MTSS1: variants seen among roughly 807,000 people sequenced by gnomAD.
MTSS1 encodes protein MTSS 1.
A neutral mutation model predicts 79.0 loss-of-function variants in MTSS1; 18 were observed. The ratio of observed to expected loss-of-function variants is 0.23; its 90% CI spans 0.16 to 0.34. The LOEUF is 0.34. Ranked by LOEUF, MTSS1 falls within the 10% of genes least tolerant of loss-of-function variation. The pLI, the probability that MTSS1 is intolerant of heterozygous loss-of-function variation, is 1.00. For synonymous variants in MTSS1, 341 were observed against 368.6 expected (o/e 0.93, Z 0.86); for missense variants, 815 against 986.2 (o/e 0.83, Z 2.33).
chr8:124,555,747 G>A lies in MTSS1; in HGVS notation c.1562C>T (p.Ser521Phe). Reference protein sequence around the residue: ...TPCCSEDTIPSQVSDYDYFSV... With the variant: ...TPCCSEDTIPFQVSDYDYFSV... ...CACCCCAGGCTGCCTCGTACCTTGGGAAGGGATGGTGTCCTCAGAGCAGCA... is the reference window on the plus strand; with the variant it reads ...CACCCCAGGCTGCCTCGTACCTTGGAAAGGGATGGTGTCCTCAGAGCAGCA... Residue 521 changes from serine (S) to phenylalanine (F), a missense_variant, in exon 13 of 14, where the codon TCC becomes TTC. Ser to Phe is a radical substitution (Grantham distance 155). Transcript: ENST00000518547. 1.2e-6 allele frequency: 2 copies of A among 1,609,142 alleles called. No individual in the cohort carries two copies. The highest frequency in any genetic ancestry group is 1.1e-5 in the South Asian group (1 of 90,106).
chr8:124,630,059 G>A (rs1033185079), intron 3 of MTSS1, among the ~76,000 whole-genome samples: 2 of 152,196 alleles, frequency 1.3e-5, no homozygotes, highest in African/African-American at 4.8e-5. Context: ...CTGCTCCATG[G>A]AATATAATTC....
chr8:124,685,449 C>T (rs113478932), intron 3 of MTSS1, among the ~76,000 whole-genome samples: 9 of 152,286 alleles, frequency 5.9e-5, no homozygotes, highest in East Asian at 1.9e-4. Context: ...TACAGTGCTA[C>T]GACAGCGAAG....
At chr8:124,611,930 G>A (rs953261245) in intron 3 of MTSS1, among the ~76,000 whole-genome samples, 4 of 152,314 alleles carry the variant, frequency 2.6e-5, no homozygotes, top group South Asian at 2.1e-4. Flanking sequence ...CAGAACCAAA[G>A]CTTACCCCAG....
chr8:124,618,224 T>C (rs1274869749), intron 3 of MTSS1, among the ~76,000 whole-genome samples: 1 of 152,166 alleles, frequency 6.6e-6, no homozygotes, highest in Admixed American at 6.5e-5. Context: ...CCTAAATCTC[T>C]TAGGCTGCTG....
intron 3 of MTSS1, among the ~76,000 whole-genome samples, chr8:124,697,653 G>C (rs1414523075): frequency 6.6e-6 from 1 of 151,938 alleles, no homozygotes; most frequent in Non-Finnish European, 1.5e-5. Flanking sequence ...TCCAGTTCCA[G>C]ATACTGCTGA....
At chr8:124,660,555 G>A (rs997953957) in intron 3 of MTSS1, among the ~76,000 whole-genome samples, 15 of 151,390 alleles carry the variant, frequency 9.9e-5, no homozygotes, top group South Asian at 2.1e-4. Context: ...ACTAACCCAC[G>A]CCTCCAACAG....
chr8:124,658,374 A>C (rs150915953), intron 3 of MTSS1, among the ~76,000 whole-genome samples: 24 of 152,184 alleles, frequency 1.6e-4, no homozygotes, highest in East Asian at 7.7e-4. Context: ...CCATGTAAGA[A>C]GTGCCTTTCA....
chr8:124,553,067 C>T lies in MTSS1; in HGVS notation c.2193G>A (p.Met731Ile). The T allele has an allele frequency of 6.2e-7, 1 of 1,614,162 alleles. No homozygotes were observed. Residue 731 changes from methionine (M) to isoleucine (I), a missense_variant, in exon 14 of 14, where the codon ATG becomes ATA. Coordinates refer to ENST00000518547, the MANE Select transcript of MTSS1 (RefSeq NM_014751.6). This position sits in a 1 kb window ranked among gnomAD's most constrained non-coding sequence, Gnocchi z 6.0. Reference protein sequence around the residue: ...SPRDTPQGEDMLNAIRRGVKL... With the variant: ...SPRDTPQGEDILNAIRRGVKL... ...TCACGCCCCTTCGGATGGCGTTCAG[C>T]ATGTCTTCTCCTTGTGGAGTATCCC... is the stretch of plus-strand genomic sequence containing the variant.
At chr8:124,568,306 G>A (rs926843553) in intron 7 of MTSS1, 73 bp downstream of exon 7, 9 of 1,510,844 alleles carry the variant, frequency 6.0e-6, no homozygotes, top group Non-Finnish European at 3.6e-6. Flanking sequence ...ACTCAACAGT[G>A]GATGGATAAA....
rs1826338762 is a variant in MTSS1 at position 124,682,772 on chromosome 8, A to G, written c.208+16754T>C. Reference sequence around the variant, plus strand: ...GGGAGGGAAATGACCCAGTGTAGACATTGTCCTTACAGCACACACAAAAAG... The same window carrying G: ...GGGAGGGAAATGACCCAGTGTAGACGTTGTCCTTACAGCACACACAAAAAG... On this transcript the variant is annotated intron_variant, in intron 3 of 13. Coordinates refer to ENST00000518547, the MANE Select transcript of MTSS1 (RefSeq NM_014751.6). Among the ~76,000 whole-genome samples, 3 of 152,356 alleles carry G rather than the reference A, an allele frequency of 2.0e-5. No homozygotes were observed. The South Asian group carries it at 6.2e-4, about 32-fold the overall frequency.
chr8:124,624,067 T>C (rs1389424023), intron 3 of MTSS1, among the ~76,000 whole-genome samples: 1 of 152,246 alleles, frequency 6.6e-6, no homozygotes, highest in East Asian at 1.9e-4. Context: ...TGAACTGATA[T>C]GTGCTGTTAC....
intron 3 of MTSS1, among the ~76,000 whole-genome samples, chr8:124,633,173 A>G (rs992563572): frequency 6.6e-6 from 1 of 151,306 alleles, no homozygotes; most frequent in African/African-American, 2.5e-5. Flanking sequence ...CAAAATTAAA[A>G]AAAAATTTTT....
rs759479212 is a variant in MTSS1, at chr8:124,633,642, C to T, written c.209-42407G>A. Among the ~76,000 whole-genome samples, 77 of 152,092 alleles carry T rather than the reference C, an allele frequency of 5.1e-4. No individual in the cohort carries two copies. The Middle Eastern group carries it at 0.01, about 20-fold the overall frequency. On this transcript the variant is annotated intron_variant, in intron 3 of 13. Transcript: ENST00000518547. ...AAAATTATCTGGGTGTGGTGGCACA[C>T]GCCTGTAATCCCAGCTACTCGAGGG...
At chr8:124,662,639 A>T (rs1161992753) in intron 3 of MTSS1, among the ~76,000 whole-genome samples, 3 of 152,014 alleles carry the variant, frequency 2.0e-5, no homozygotes, top group Non-Finnish European at 4.4e-5. Flanking sequence ...TTCTGAGGTA[A>T]ACTCCCACAT....
chr8:124,635,514 C>T (rs1444483453), intron 3 of MTSS1, among the ~76,000 whole-genome samples: 1 of 152,232 alleles, frequency 6.6e-6, no homozygotes, highest in Non-Finnish European at 1.5e-5. Flanking sequence ...AGGCAAATGC[C>T]GGAACGCCTC....
Position 124,684,863 on chromosome 8 carries a change from A to G in MTSS1, c.208+14663T>C, listed in dbSNP as rs577683018. Among the ~76,000 whole-genome samples the G allele has an allele frequency of 3.3e-5, 5 of 152,324 alleles. 1 individual carries two copies. In the South Asian group the frequency reaches 1.0e-3, roughly 32 times the overall value. ...TGTCACATAGCCATTAGATAGATAAACAAATGTGTGTTCAAGTAGAAACTC... is the reference window on the plus strand; with the variant it reads ...TGTCACATAGCCATTAGATAGATAAGCAAATGTGTGTTCAAGTAGAAACTC... On this transcript the variant is annotated intron_variant, in intron 3 of 13. Coordinates refer to ENST00000518547, the MANE Select transcript of MTSS1 (RefSeq NM_014751.6).
At chr8:124,562,678 G>C in intron 10 of MTSS1, 104 bp downstream of exon 10, 1 of 1,086,040 alleles carries the variant, frequency 9.2e-7, no homozygotes, top group Non-Finnish European at 1.4e-6. Flanking sequence ...TCAAGTCAGT[G>C]GGCAGGGGAT....
chr8:124,603,119 G>A (rs778590022), intron 3 of MTSS1, among the ~76,000 whole-genome samples: 14 of 152,140 alleles, frequency 9.2e-5, no homozygotes, highest in African/African-American at 2.7e-4. Context: ...TACACCTCCC[G>A]GGTTCAAGCA....
At chr8:124,633,736 C>T (rs995256758) in intron 3 of MTSS1, among the ~76,000 whole-genome samples, 1 of 151,530 alleles carries the variant, frequency 6.6e-6, no homozygotes, top group Non-Finnish European at 1.5e-5. Flanking sequence ...CACCACTGCA[C>T]ACTCCAGCCT....
Sources: gnomAD v4.1 joint callset for allele counts (sites outside exome capture counted in the v4.1 genomes callset) on GRCh38, gnomAD v4.1.1 for gene constraint, Gnocchi (gnomAD v3.1) non-coding constraint, MANE v1.5 for transcripts, NCBI Gene and HGNC (gene_info 2026-07-23, HGNC 2026-07-21) for gene names.